Variants in THSD4 observed in about 807,000 individuals in gnomAD.
THSD4 encodes the protein thrombospondin type-1 domain-containing protein 4.
A neutral mutation model predicts 119.0 loss-of-function variants in THSD4; 69 were observed. That is an observed-to-expected ratio of 0.58 (90% confidence interval 0.48 to 0.71). The LOEUF is 0.71. Ranked by LOEUF, THSD4 falls within the 30% of genes least tolerant of loss-of-function variation. The pLI, the probability that THSD4 is intolerant of heterozygous loss-of-function variation, is 0.00. For missense variants in THSD4, 1,393 were observed against 1,391.1 expected (o/e 1.00, Z -0.02); for synonymous variants, 524 against 540.4 (o/e 0.97, Z 0.42).
rs1445079640 is a variant in THSD4, at chr15:71,419,566, G to T, written c.1152+7743G>T. ...TCTAGTTCTTTAAGATGCATCAATC[G>T]GTTGTTTGTTTGAAGTTTTTCTACT... On this transcript the variant is annotated intron_variant, in intron 7 of 17. Coordinates refer to ENST00000261862, the MANE Select transcript of THSD4 (RefSeq NM_024817.3). Among the ~76,000 whole-genome samples, 13 of 107,206 alleles carry T rather than the reference G, an allele frequency of 1.2e-4. 3 individuals carry two copies. Among genetic ancestry groups the T allele is most frequent in the African/African-American group, 3.5e-4 (11 of 31,490 alleles). 70.3% of individuals were successfully genotyped at this position (107,206 alleles called of 152,430 possible).
intron 11 of THSD4, among the ~76,000 whole-genome samples, chr15:71,739,943 A>G (rs562144262): frequency 1.3e-5 from 2 of 151,862 alleles, no homozygotes; most frequent in Admixed American, 6.6e-5. Flanking sequence ...GACAGCTTCT[A>G]AAGTTTTTAT....
chr15:71,741,715 ACAC>A (rs1567130465), intron 11 of THSD4, among the ~76,000 whole-genome samples: 1 of 146,376 alleles, frequency 6.8e-6, no homozygotes, highest in Admixed American at 6.9e-5. Context: ...ACACACACAC[ACAC>A]ACACACACAC....
chr15:71,106,192 A>G (rs1325751828), intron 1 of THSD4, among the ~76,000 whole-genome samples: 1 of 152,194 alleles, frequency 6.6e-6, no homozygotes, highest in Non-Finnish European at 1.5e-5. Context: ...TGGTGAGAGA[A>G]GAGGGCCAGG....
intron 8 of THSD4, among the ~76,000 whole-genome samples, chr15:71,700,985 A>C (rs912709297): frequency 9.2e-5 from 14 of 152,238 alleles, no homozygotes; most frequent in East Asian, 1.9e-4. Flanking sequence ...TTCTGACAAG[A>C]ACTAAACTCT....
At chr15:71,555,811 G>C (rs1595882174) in intron 7 of THSD4, among the ~76,000 whole-genome samples, 1 of 152,118 alleles carries the variant, frequency 6.6e-6, no homozygotes, top group African/African-American at 2.4e-5. Context: ...TCTGTATGGG[G>C]TAAATAAGGG....
At chr15:71,164,366 CTTTTTTT>C (rs878855643) in intron 3 of THSD4, among the ~76,000 whole-genome samples, 21 of 127,546 alleles carry the variant, frequency 1.6e-4, no homozygotes, top group Admixed American at 4.6e-4. Flanking sequence ...ACAGCTGCAA[CTTTTTTT>C]TTTTTTTTTG....
At chr15:71,560,862 A>G (rs751303341) in intron 7 of THSD4, among the ~76,000 whole-genome samples, 2 of 152,076 alleles carry the variant, frequency 1.3e-5, no homozygotes, top group African/African-American at 2.4e-5. Flanking sequence ...TGTCTTTTGT[A>G]TAGTGGGAGA....
chr15:71,578,885 C>T (rs149439211), intron 7 of THSD4, among the ~76,000 whole-genome samples: 1 of 148,364 alleles, frequency 6.7e-6, no homozygotes, highest in African/African-American at 2.5e-5. Context: ...GCTGTGTCGC[C>T]CAGGCTGGAG....
intron 7 of THSD4, among the ~76,000 whole-genome samples, chr15:71,612,879 T>C (rs980316597): frequency 6.6e-6 from 1 of 152,220 alleles, no homozygotes; most frequent in Non-Finnish European, 1.5e-5. Flanking sequence ...CAGAACTCTA[T>C]TGCCATCAGT....
chr15:71,181,480 G>T (rs1165885114), intron 3 of THSD4, among the ~76,000 whole-genome samples: 1 of 152,172 alleles, frequency 6.6e-6, no homozygotes, highest in East Asian at 1.9e-4. Context: ...TAATGGTACG[G>T]TCCTGGCATC....
intron 8 of THSD4, among the ~76,000 whole-genome samples, chr15:71,716,829 G>C (rs995802928): frequency 6.6e-6 from 1 of 151,992 alleles, no homozygotes; most frequent in Admixed American, 6.5e-5. Context: ...ATGTGTTCTG[G>C]TCACTCACAT....
At chr15:71,580,005 A>T (rs1272863068) in intron 7 of THSD4, among the ~76,000 whole-genome samples, 1 of 152,118 alleles carries the variant, frequency 6.6e-6, no homozygotes, top group Admixed American at 6.5e-5. Context: ...ACTGTGACTA[A>T]TTGGAGATAT....
intron 5 of THSD4, among the ~76,000 whole-genome samples, chr15:71,245,018 G>T (rs545744286): frequency 3.7e-4 from 57 of 152,322 alleles, no homozygotes; most frequent in African/African-American, 1.3e-3. Context: ...CGGCAGGGTT[G>T]TTCTCCCCAT....
At chr15:71,608,240 AT>A (rs1567060285) in intron 7 of THSD4, among the ~76,000 whole-genome samples, 7 of 81,916 alleles carry the variant, frequency 8.5e-5, no homozygotes, top group East Asian at 3.3e-4. Flanking sequence ...AAAAAAAAAT[AT>A]ATATATATAC....
chr15:71,175,874 A>T (rs2043443858), intron 3 of THSD4, among the ~76,000 whole-genome samples: 1 of 53,258 alleles, frequency 1.9e-5, no homozygotes, highest in African/African-American at 7.7e-5. Context: ...AGAATTTCAT[A>T]TCCAGCCAAA....
At chr15:71,299,025 A>G (rs965102385) in intron 6 of THSD4, among the ~76,000 whole-genome samples, 35 of 152,076 alleles carry the variant, frequency 2.3e-4, no homozygotes, top group African/African-American at 8.2e-4. Context: ...CTGCCCTGTT[A>G]TTTCATGAGT....
chr15:71,739,808 T>C (rs2053200161), intron 11 of THSD4, among the ~76,000 whole-genome samples: 1 of 151,706 alleles, frequency 6.6e-6, no homozygotes, highest in Admixed American at 6.6e-5. Flanking sequence ...GTGGTTTTTT[T>C]TTTTTGCTTT....
chr15:71,554,094 G>GT (rs1376282163), intron 7 of THSD4, among the ~76,000 whole-genome samples: 7 of 44,050 alleles, frequency 1.6e-4, no homozygotes, highest in African/African-American at 3.2e-4. Flanking sequence ...TGTTTGGTTT[G>GT]GTTTTTTTTT....
At chr15:71,459,261 C>T (rs968234236) in intron 7 of THSD4, among the ~76,000 whole-genome samples, 2 of 149,670 alleles carry the variant, frequency 1.3e-5, no homozygotes, top group African/African-American at 2.5e-5. Context: ...CAGGTTCAAG[C>T]GATTCTCTTG....
Sources: gnomAD v4.1 joint callset for allele counts (sites outside exome capture counted in the v4.1 genomes callset) on GRCh38, gnomAD v4.1.1 for gene constraint, MANE v1.5 for transcripts, NCBI Gene and HGNC (gene_info 2026-07-23, HGNC 2026-07-21) for gene names.